TRAPPC11: variants seen among roughly 807,000 people sequenced by gnomAD.
The protein encoded by TRAPPC11 is foie gras homolog.
A neutral mutation model predicts 151.2 loss-of-function variants in TRAPPC11; 104 were observed. The observed-to-expected ratio is 0.69, with a 90% CI of 0.59 to 0.81. TRAPPC11 has a LOEUF of 0.81. Among genes scored for constraint, TRAPPC11 ranks in the 30% least tolerant of loss-of-function variants. The pLI is 0.00. For missense variants in TRAPPC11, 1,230 were observed against 1,349.6 expected (o/e 0.91, Z 1.39); for synonymous variants, 456 against 472.3 (o/e 0.97, Z 0.45).
intron 20 of TRAPPC11, 146 bp from the exon 21 acceptor site, chr4:183,693,443 C>A: frequency 1.2e-6 from 1 of 855,808 alleles, no homozygotes; most frequent in Non-Finnish European, 1.7e-6. Context: ...TGGGCTCAAG[C>A]GATCCTCCTG....
At chr4:183,662,140 C>T (rs180999627) in intron 1 of TRAPPC11, among the ~76,000 whole-genome samples, 1 of 152,010 alleles carries the variant, frequency 6.6e-6, no homozygotes, top group East Asian at 1.9e-4. Flanking sequence ...TGGCAATCGC[C>T]TGAGGTCACG....
Position 183,694,586 on chromosome 4 carries a change from A to G in TRAPPC11, c.2509-18A>G. On this transcript the variant is annotated intron_variant, in intron 22 of 29. Transcript: ENST00000334690. ...TGTCTGTAATACTAATTAAATTACA[A>G]CATTTATTTTGTTACAGCTGGAAAA... 2 of 1,605,336 alleles carry G rather than the reference A, an allele frequency of 1.2e-6. No homozygotes were observed. The highest frequency in any genetic ancestry group is 1.7e-6 in the Non-Finnish European group (2 of 1,174,508).
At chr4:183,699,131 G>A (rs1000034898) in intron 25 of TRAPPC11, among the ~76,000 whole-genome samples, 3 of 152,114 alleles carry the variant, frequency 2.0e-5, no homozygotes, top group Admixed American at 6.5e-5. Context: ...TCTACCCCAG[G>A]CTGTCTACTG....
chr4:183,679,578 G>GT (rs1417252873), intron 9 of TRAPPC11, 92 bp downstream of exon 9: 2 of 1,110,380 alleles, frequency 1.8e-6, no homozygotes. Flanking sequence ...ACTGAACCAG[G>GT]TTTTTTGTCA....
At chr4:183,686,774 T>TA (rs1450497218) in intron 18 of TRAPPC11, 26 bp downstream of exon 18, 3 of 1,611,962 alleles carry the variant, frequency 1.9e-6, no homozygotes, top group Non-Finnish European at 2.5e-6. Flanking sequence ...CATGTGTTTT[T>TA]ACCACGTTTA....
At chr4:183,664,412 CTG>C (rs1734736286) in intron 2 of TRAPPC11, among the ~76,000 whole-genome samples, 1 of 152,050 alleles carries the variant, frequency 6.6e-6, no homozygotes, top group Non-Finnish European at 1.5e-5. Flanking sequence ...ATCCCATGGT[CTG>C]TGCAATGTGG....
intron 1 of TRAPPC11, among the ~76,000 whole-genome samples, chr4:183,660,930 T>C (rs1424147444): frequency 6.6e-6 from 1 of 152,076 alleles, no homozygotes; most frequent in East Asian, 1.9e-4. Context: ...GCCAGGCTGG[T>C]TTTGAACCGT....
intron 19 of TRAPPC11, among the ~76,000 whole-genome samples, chr4:183,691,685 G>A (rs1002215041): frequency 3.9e-5 from 6 of 152,010 alleles, no homozygotes; most frequent in African/African-American, 1.4e-4. Context: ...AAAAAATTGA[G>A]AATATACTGT....
At chr4:183,665,015 G>A (rs1230642164) in intron 2 of TRAPPC11, among the ~76,000 whole-genome samples, 1 of 151,622 alleles carries the variant, frequency 6.6e-6, no homozygotes, top group Non-Finnish European at 1.5e-5. Flanking sequence ...CTCAGCCCTG[G>A]AAACTGAGCT....
At chr4:183,700,587 G>A (rs972425823) in intron 25 of TRAPPC11, among the ~76,000 whole-genome samples, 1 of 152,176 alleles carries the variant, frequency 6.6e-6, no homozygotes. Flanking sequence ...CTTGTCATCA[G>A]GGAATTTGCT....
At chr4:183,665,183 C>G (rs1047656950) in intron 2 of TRAPPC11, among the ~76,000 whole-genome samples, 2 of 151,182 alleles carry the variant, frequency 1.3e-5, no homozygotes, top group Admixed American at 1.3e-4. Flanking sequence ...CAAGCTCCGC[C>G]TCCTGGGTTC....
chr4:183,675,821 GTC>G (rs1735381309), intron 7 of TRAPPC11: 1 of 152,098 alleles, frequency 6.6e-6, no homozygotes, highest in Non-Finnish European at 1.5e-5. Context: ...TCCATTTGAA[GTC>G]TCTGCTTAGA....
chr4:183,697,447 CTT>C (rs1444248588), intron 23 of TRAPPC11, 54 bp from the exon 24 acceptor site: 1 of 1,537,210 alleles, frequency 6.5e-7, no homozygotes, highest in Non-Finnish European at 8.8e-7. Flanking sequence ...TTTTTTAAAA[CTT>C]TATATAAAAA....
rs1446238275 is a variant in TRAPPC11 at position 183,684,691 on chromosome 4, T to C, written c.1422-5T>C. On this transcript the variant is annotated splice_polypyrimidine_tract_variant and splice_region_variant and intron_variant, in intron 14 of 29. Transcript: ENST00000334690. Reference sequence around the variant, plus strand: ...GGTTCAGTATTACATTTTGTCTTCTTTGAGGTTGCTGGATTATGTGATGTG... The same window carrying C: ...GGTTCAGTATTACATTTTGTCTTCTCTGAGGTTGCTGGATTATGTGATGTG... The C allele has an allele frequency of 6.2e-7, 1 of 1,613,710 alleles. No homozygotes were observed. Among genetic ancestry groups the C allele is most frequent in the South Asian group, 1.1e-5 (1 of 91,002 alleles).
At position 183,684,684 on chromosome 4, in the gene TRAPPC11, GTC is replaced by G. The variant is rs776062601; in HGVS notation, c.1422-10_1422-9del. The G allele has an allele frequency of 9.9e-6, 16 of 1,612,962 alleles. No individual in the cohort carries two copies. The highest frequency in any genetic ancestry group is 1.4e-5 in the Non-Finnish European group (16 of 1,179,562). On this transcript the variant is annotated splice_polypyrimidine_tract_variant and intron_variant, in intron 14 of 29. Coordinates refer to ENST00000334690, the MANE Select transcript of TRAPPC11 (RefSeq NM_021942.6). Reference sequence around the variant, plus strand: ...TGAAGCCGGTTCAGTATTACATTTTGTCTTCTTTGAGGTTGCTGGATTATGTG... The same window carrying G: ...TGAAGCCGGTTCAGTATTACATTTTGTTCTTTGAGGTTGCTGGATTATGTG...
At chr4:183,690,933 A>G (rs562597270) in intron 18 of TRAPPC11, among the ~76,000 whole-genome samples, 4 of 152,286 alleles carry the variant, frequency 2.6e-5, no homozygotes, top group African/African-American at 9.6e-5. Context: ...ATGCCACTGC[A>G]CTCCAGGTAG....
chr4:183,676,415 G>T (rs2111336309), intron 7 of TRAPPC11, among the ~76,000 whole-genome samples: 1 of 152,314 alleles, frequency 6.6e-6, no homozygotes, highest in Middle Eastern at 3.4e-3. Flanking sequence ...CTCCCAAAAT[G>T]CTGGGATTAC....
intron 25 of TRAPPC11, among the ~76,000 whole-genome samples, chr4:183,699,113 C>T (rs1305653521): frequency 1.3e-5 from 2 of 152,186 alleles, no homozygotes; most frequent in East Asian, 1.9e-4. Context: ...CTGACCTTCC[C>T]AGCTGCCTCT....
At chr4:183,679,330 G>T (rs1384014104) in intron 8 of TRAPPC11, 23 bp from the exon 9 acceptor site, 4 of 1,524,488 alleles carry the variant, frequency 2.6e-6, no homozygotes, top group Middle Eastern at 1.8e-4. Flanking sequence ...CCTTTATTTT[G>T]GGATCAATTT....
Sources: gnomAD v4.1 joint callset for allele counts (sites outside exome capture counted in the v4.1 genomes callset) on GRCh38, gnomAD v4.1.1 for gene constraint, MANE v1.5 for transcripts, NCBI Gene and HGNC (gene_info 2026-07-23, HGNC 2026-07-21) for gene names.